Variants in CERKL observed in about 807,000 individuals in gnomAD.
The protein encoded by CERKL is CERK like autophagy regulator.
In CERKL, 61 loss-of-function variants were observed where a neutral mutation model predicts 63.4. The ratio of observed to expected loss-of-function variants is 0.96; its 90% CI spans 0.78 to 1.19. The LOEUF (loss-of-function observed/expected upper bound fraction) is 1.19, where lower values mean the gene tolerates loss of function less well. Among genes scored for constraint, CERKL ranks in the 50% most tolerant of loss-of-function variants. The pLI is 0.00. For synonymous variants in CERKL, 250 were observed against 230.5 expected, an observed-to-expected ratio of 1.08 and a Z score of -0.77; for missense variants, 675 against 655.5, an observed-to-expected ratio of 1.03 and a Z score of -0.33.
intron 2 of CERKL, among the ~76,000 whole-genome samples, chr2:181,592,033 T>A (rs181637619): frequency 6.5e-4 from 99 of 152,302 alleles, no homozygotes; most frequent in African/African-American, 2.1e-3. Context: ...TAGAGAGTTT[T>A]AAGAAGTTTC....
chr2:181,557,684 C>A (rs1167064878), intron 5 of CERKL, among the ~76,000 whole-genome samples: 2 of 152,158 alleles, frequency 1.3e-5, no homozygotes, highest in African/African-American at 4.8e-5. Flanking sequence ...CCCCCTTGCT[C>A]TGAAACATCC....
chr2:181,548,336 A>G, intron 8 of CERKL: 2 of 581,822 alleles, frequency 3.4e-6, no homozygotes, highest in Non-Finnish European at 3.0e-6. Flanking sequence ...AGACAGGGGG[A>G]AGGAAGGGAG....
intron 5 of CERKL, among the ~76,000 whole-genome samples, chr2:181,552,916 C>T (rs771239085): frequency 6.6e-6 from 1 of 152,108 alleles, no homozygotes; most frequent in Non-Finnish European, 1.5e-5. Flanking sequence ...ATTCCAGACA[C>T]ACTGATTCAG....
At chr2:181,562,817 CA>C (rs1232396998) in intron 4 of CERKL, among the ~76,000 whole-genome samples, 1 of 151,972 alleles carries the variant, frequency 6.6e-6, no homozygotes, top group African/African-American at 2.4e-5. Flanking sequence ...TTTTGATTCA[CA>C]GTTTTTTTTC....
rs1684484084 is a variant in CERKL at position 181,581,050 on chromosome 2, T to G, written c.482-7166A>C. Among the ~76,000 whole-genome samples, 3 of 152,214 alleles carry G rather than the reference T, an allele frequency of 2.0e-5. No homozygotes were observed. The South Asian group carries it at 6.2e-4, about 32-fold the overall frequency. ...GGAGGCAACCCAGGTTTCCTCCTAG[T>G]TTCTAGACATATAGTCTTCCTCCTA... On this transcript the variant is annotated intron_variant, in intron 2 of 12. Transcript: ENST00000410087.
chr2:181,552,851 A>G (rs1488542932), intron 5 of CERKL, among the ~76,000 whole-genome samples: 3 of 148,278 alleles, frequency 2.0e-5, no homozygotes. Flanking sequence ...CAGTAATAGC[A>G]GTATTAATGG....
intron 1 of CERKL, among the ~76,000 whole-genome samples, chr2:181,615,333 T>A (rs886562480): frequency 6.6e-6 from 1 of 152,206 alleles, no homozygotes; most frequent in African/African-American, 2.4e-5. Context: ...TTAAGAATAT[T>A]TAGCAAAGGT....
chr2:181,625,706 T>C (rs1193956037), intron 1 of CERKL, among the ~76,000 whole-genome samples: 1 of 152,180 alleles, frequency 6.6e-6, no homozygotes, highest in Non-Finnish European at 1.5e-5. Flanking sequence ...GGGAAATGCT[T>C]TCACTTTTGA....
At chr2:181,592,793 G>A (rs1192481069) in intron 2 of CERKL, among the ~76,000 whole-genome samples, 2 of 152,166 alleles carry the variant, frequency 1.3e-5, no homozygotes, top group African/African-American at 2.4e-5. Flanking sequence ...TCTCAGGGAT[G>A]TTGTGAAAAT....
chr2:181,560,349 A>G (rs528729900), intron 4 of CERKL, among the ~76,000 whole-genome samples: 11 of 152,204 alleles, frequency 7.2e-5, no homozygotes, highest in Non-Finnish European at 1.5e-4. Flanking sequence ...AATGTTGCAT[A>G]CAATTATAGC....
intron 5 of CERKL, among the ~76,000 whole-genome samples, chr2:181,549,987 A>G (rs1336973744): frequency 2.6e-5 from 4 of 152,116 alleles, no homozygotes; most frequent in Non-Finnish European, 5.9e-5. Flanking sequence ...ACGAATGTCT[A>G]TTTTCTACCT....
chr2:181,654,833 G>A (rs543163331), intron 1 of CERKL, among the ~76,000 whole-genome samples: 1 of 152,254 alleles, frequency 6.6e-6, no homozygotes, highest in South Asian at 2.1e-4. Flanking sequence ...TGCCCAGGCT[G>A]GAGTGCAGTG....
intron 1 of CERKL, among the ~76,000 whole-genome samples, chr2:181,635,693 A>C (rs1203402286): frequency 1.3e-5 from 2 of 152,206 alleles, no homozygotes; most frequent in Non-Finnish European, 2.9e-5. Flanking sequence ...ACATTTAGTA[A>C]ACTTAAAAGC....
chr2:181,558,924 C>T lies in CERKL; in HGVS notation c.678-216G>A, dbSNP rs1370367775. On this transcript the variant is annotated intron_variant, in intron 4 of 12. Transcript: ENST00000410087. The surrounding 1 kb of genome is among the most constrained non-coding windows in gnomAD (Gnocchi z 4.2). ...CAAATATAATAACTAGATAATTCCC[C>T]ATAGACAAAATAGCTTTAAGTGTGT... 6.6e-6 allele frequency among the ~76,000 whole-genome samples: 1 copy of T among 152,076 alleles called. No individual in the cohort carries two copies.
At chr2:181,650,152 AGG>A (rs1414335676) in intron 1 of CERKL, 2 of 143,728 alleles carry the variant, frequency 1.4e-5, no homozygotes, top group African/African-American at 5.8e-5. Flanking sequence ...GAAGGAAGGA[AGG>A]AAGGAAGGAA....
chr2:181,609,059 TACA>T (rs768374841), intron 1 of CERKL, among the ~76,000 whole-genome samples: 88 of 152,326 alleles, frequency 5.8e-4, no homozygotes, highest in Non-Finnish European at 1.1e-3. Context: ...TAAGTGGAGA[TACA>T]ACAAGTTCCA....
chr2:181,543,712 T>C (rs181000412), intron 11 of CERKL, among the ~76,000 whole-genome samples: 2 of 151,998 alleles, frequency 1.3e-5, no homozygotes, highest in African/African-American at 4.8e-5. Context: ...GGGCCGGACG[T>C]GGTGGCTCAC....
intron 2 of CERKL, among the ~76,000 whole-genome samples, chr2:181,597,918 C>T (rs1685288433): frequency 6.6e-6 from 1 of 152,142 alleles, no homozygotes; most frequent in Non-Finnish European, 1.5e-5. Context: ...AGGGACACAA[C>T]TTGCCAAAAC....
intron 1 of CERKL, among the ~76,000 whole-genome samples, chr2:181,604,790 G>T (rs1020714860): frequency 2.0e-5 from 3 of 152,116 alleles, no homozygotes; most frequent in African/African-American, 4.8e-5. Context: ...TACAATTATT[G>T]TGAGTAGGAA....
Sources: allele counts gnomAD v4.1 joint callset (sites outside exome capture counted in the v4.1 genomes callset), GRCh38; gene constraint gnomAD v4.1.1; non-coding constraint Gnocchi (gnomAD v3.1); transcripts MANE v1.5; gene names NCBI Gene and HGNC (gene_info 2026-07-23, HGNC 2026-07-21).